Variants in NR6A1 observed in about 807,000 individuals in gnomAD.
NR6A1 encodes retinoic acid receptor-related testis-associated receptor.
In NR6A1, 7 loss-of-function variants were observed where a neutral mutation model predicts 59.1. That is an observed-to-expected ratio of 0.12 (90% CI 0.07 to 0.22). The LOEUF is 0.22. Ranked by LOEUF, NR6A1 falls within the 10% of genes least tolerant of loss-of-function variation. The probability of loss-of-function intolerance (pLI) is 1.00; values close to 1 mark genes in which losing one functional copy is unlikely to be tolerated. For missense variants in NR6A1, 468 were observed against 611.6 expected, an observed-to-expected ratio of 0.77 and a Z score of 2.48; for synonymous variants, 243 against 236.1, an observed-to-expected ratio of 1.03 and a Z score of -0.27.
chr9:124,643,971 G>GC (rs1836852027), intron 2 of NR6A1, among the ~76,000 whole-genome samples: 1 of 152,116 alleles, frequency 6.6e-6, no homozygotes, highest in Non-Finnish European at 1.5e-5. Flanking sequence ...CGCGATACTG[G>GC]CTCACTACAA....
intron 3 of NR6A1, among the ~76,000 whole-genome samples, chr9:124,551,559 A>G (rs1401459589): frequency 2.0e-5 from 3 of 152,220 alleles, no homozygotes; most frequent in African/African-American, 7.2e-5. Flanking sequence ...CTTTGTTTGT[A>G]TGTAATTCTT....
chr9:124,673,561 A>T (rs1308014455), intron 2 of NR6A1, among the ~76,000 whole-genome samples: 1 of 152,162 alleles, frequency 6.6e-6, no homozygotes, highest in Non-Finnish European at 1.5e-5. Flanking sequence ...GCAGAAATAA[A>T]TATCATAGAT....
chr9:124,745,602 C>A (rs573339787), intron 1 of NR6A1, among the ~76,000 whole-genome samples: 34 of 150,456 alleles, frequency 2.3e-4, no homozygotes, highest in African/African-American at 8.3e-4. Context: ...ACCCGGGAGG[C>A]AGAGGTTGCA....
intron 7 of NR6A1, among the ~76,000 whole-genome samples, chr9:124,534,823 G>A (rs1005804681): frequency 1.3e-5 from 2 of 152,160 alleles, no homozygotes; most frequent in African/African-American, 4.8e-5. Context: ...GAGAAAGAAA[G>A]AAGACAATTA....
intron 2 of NR6A1, among the ~76,000 whole-genome samples, chr9:124,602,492 G>GC (rs1835474666): frequency 6.6e-6 from 1 of 152,174 alleles, no homozygotes; most frequent in Non-Finnish European, 1.5e-5. Flanking sequence ...GTTGTACAAA[G>GC]CAAGTCTCAA....
intron 2 of NR6A1, among the ~76,000 whole-genome samples, chr9:124,657,190 T>A (rs1421081603): frequency 2.0e-5 from 3 of 152,168 alleles, no homozygotes; most frequent in Non-Finnish European, 4.4e-5. Flanking sequence ...AAACAGCTTT[T>A]CTCGGGTTAA....
rs574385759 is a variant in NR6A1, at chr9:124,573,838, A to G, written c.143-19268T>C. 5.3e-5 allele frequency among the ~76,000 whole-genome samples: 8 copies of G among 152,362 alleles called. No homozygotes were observed. In the South Asian group the frequency reaches 1.4e-3, roughly 28 times the overall value. On this transcript the variant is annotated intron_variant, in intron 2 of 9. Coordinates refer to ENST00000487099, the MANE Select transcript of NR6A1 (RefSeq NM_033334.4). ...AGCCGTAACATATATACATATGAAC[A>G]TACACATGCATGCTTTGGTATATAC... is the stretch of plus-strand genomic sequence containing the variant.
At chr9:124,663,580 G>T (rs1220663893) in intron 2 of NR6A1, among the ~76,000 whole-genome samples, 1 of 151,986 alleles carries the variant, frequency 6.6e-6, no homozygotes, top group Non-Finnish European at 1.5e-5. Context: ...AGTGTTTCTG[G>T]TACATGGAAA....
Position 124,626,727 on chromosome 9 carries a change from A to G in NR6A1, c.143-72157T>C, listed in dbSNP as rs557298082. 3.3e-5 allele frequency among the ~76,000 whole-genome samples: 5 copies of G among 152,120 alleles called. No homozygotes were observed. In the East Asian group the frequency reaches 9.7e-4, roughly 30 times the overall value. On this transcript the variant is annotated intron_variant, in intron 2 of 9. Transcript: ENST00000487099. ...GAGGTGGGTGGATCACGGGGTCAGG[A>G]ATTTGAGACCAGCCTGGCCAAGATG...
intron 2 of NR6A1, among the ~76,000 whole-genome samples, chr9:124,685,140 A>C (rs947049379): frequency 6.6e-6 from 1 of 152,168 alleles, no homozygotes; most frequent in Non-Finnish European, 1.5e-5. Flanking sequence ...TCATCTGTTA[A>C]ATTAAGATAT....
intron 2 of NR6A1, chr9:124,599,109 G>T: frequency 1.5e-6 from 1 of 687,814 alleles, no homozygotes; most frequent in South Asian, 1.5e-5. Flanking sequence ...TCTAGGAGAC[G>T]GTTCTCTGCG....
At chr9:124,645,620 T>G (rs916311896) in intron 2 of NR6A1, among the ~76,000 whole-genome samples, 2 of 152,126 alleles carry the variant, frequency 1.3e-5, no homozygotes, top group African/African-American at 4.8e-5. Context: ...ATGCACCTAG[T>G]AACAGAATGT....
At chr9:124,601,148 C>G (rs1211536916) in intron 2 of NR6A1, among the ~76,000 whole-genome samples, 3 of 151,968 alleles carry the variant, frequency 2.0e-5, no homozygotes, top group Non-Finnish European at 4.4e-5. Flanking sequence ...TGGTGGCACA[C>G]GCCTGTAATT....
At chr9:124,594,390 T>C (rs551484160) in intron 2 of NR6A1, among the ~76,000 whole-genome samples, 6 of 152,248 alleles carry the variant, frequency 3.9e-5, no homozygotes, top group African/African-American at 1.4e-4. Flanking sequence ...TACATATCAC[T>C]AAGAGACTCA....
intron 2 of NR6A1, among the ~76,000 whole-genome samples, chr9:124,723,669 G>A (rs962937305): frequency 2.0e-5 from 3 of 152,184 alleles, no homozygotes; most frequent in African/African-American, 7.2e-5. Flanking sequence ...ATACTACATA[G>A]CCTAGAACAG....
chr9:124,730,095 G>T (rs1044805048), intron 2 of NR6A1, among the ~76,000 whole-genome samples: 1 of 152,164 alleles, frequency 6.6e-6, no homozygotes, highest in Non-Finnish European at 1.5e-5. Context: ...TTACAGGCGT[G>T]AGCCACCACG....
chr9:124,595,846 C>T, intron 2 of NR6A1: 1 of 1,288,208 alleles, frequency 7.8e-7, no homozygotes, highest in Admixed American at 2.3e-5. Flanking sequence ...AGCTTGATGA[C>T]TACCCTTCCG....
At chr9:124,633,237 T>C (rs1836497715) in intron 2 of NR6A1, among the ~76,000 whole-genome samples, 1 of 151,708 alleles carries the variant, frequency 6.6e-6, no homozygotes, top group Non-Finnish European at 1.5e-5. Flanking sequence ...ACCCCGTCTC[T>C]ACTAAAAATA....
intron 1 of NR6A1, among the ~76,000 whole-genome samples, chr9:124,769,955 A>T (rs1186219806): frequency 6.6e-6 from 1 of 152,168 alleles, no homozygotes; most frequent in Non-Finnish European, 1.5e-5. Flanking sequence ...GGAAAATATC[A>T]AACAGATACA....
Sources: allele counts gnomAD v4.1 joint callset (sites outside exome capture counted in the v4.1 genomes callset), GRCh38; gene constraint gnomAD v4.1.1; transcripts MANE v1.5; gene names NCBI Gene and HGNC (gene_info 2026-07-23, HGNC 2026-07-21).